GALK2: variants seen among roughly 807,000 people sequenced by gnomAD.
GALK2 encodes the protein galactokinase 2, also known as N-acetylgalactosamine kinase.
Under a neutral mutation model 52.4 loss-of-function variants are expected in GALK2, and 36 were observed. The ratio of observed to expected loss-of-function variants is 0.69; its 90% CI spans 0.53 to 0.91. The LOEUF (loss-of-function observed/expected upper bound fraction) is 0.91, where lower values mean the gene tolerates loss of function less well. Ranked by LOEUF, GALK2 falls within the 40% of genes least tolerant of loss-of-function variation. The pLI, the probability that GALK2 is intolerant of heterozygous loss-of-function variation, is 0.00. For missense variants in GALK2, 579 were observed against 559.1 expected, an observed-to-expected ratio of 1.04 and a Z score of -0.36; for synonymous variants, 176 against 199.1, an observed-to-expected ratio of 0.88 and a Z score of 0.98.
intron 5 of GALK2, among the ~76,000 whole-genome samples, chr15:49,274,018 C>T (rs1017848374): frequency 2.6e-5 from 4 of 152,144 alleles, no homozygotes; most frequent in Non-Finnish European, 4.4e-5. Context: ...TGAAGGTACC[C>T]TCGACAGGGA....
At chr15:49,356,802 C>T (rs1216142680) in intron 3 of GALK2, among the ~76,000 whole-genome samples, 5 of 71,578 alleles carry the variant, frequency 7.0e-5, no homozygotes, top group African/African-American at 3.1e-4. Flanking sequence ...CACCACACCA[C>T]ACCTATTCCA....
chr15:49,183,523 A>G (rs1216914735), intron 1 of GALK2, among the ~76,000 whole-genome samples: 3 of 152,216 alleles, frequency 2.0e-5, no homozygotes, highest in African/African-American at 4.8e-5. Flanking sequence ...AAGATACATG[A>G]TATGATTTCA....
intron 5 of GALK2, among the ~76,000 whole-genome samples, chr15:49,281,296 A>G (rs2032656645): frequency 6.6e-6 from 1 of 152,274 alleles, no homozygotes; most frequent in Non-Finnish European, 1.5e-5. Flanking sequence ...ATCTAACTGG[A>G]TAAGAATGGT....
chr15:49,281,918 C>A, intron 5 of GALK2, 69 bp from the exon 6 acceptor site: 1 of 1,125,062 alleles, frequency 8.9e-7, no homozygotes, highest in Non-Finnish European at 1.3e-6. Context: ...TTTGTCATGC[C>A]TGTAGTAAGA....
At chr15:49,188,025 A>C (rs111395635) in intron 1 of GALK2, among the ~76,000 whole-genome samples, 2,236 of 152,060 alleles carry the variant, frequency 0.015, 21 homozygotes, top group Non-Finnish European at 0.023. Flanking sequence ...TGGCCAACAC[A>C]CTGGGAATGC....
intron 3 of GALK2, among the ~76,000 whole-genome samples, chr15:49,349,964 T>C (rs1250212536): frequency 6.6e-6 from 1 of 152,202 alleles, no homozygotes; most frequent in East Asian, 1.9e-4. Flanking sequence ...GATGGGAAAT[T>C]AACTTTGTTG....
At chr15:49,166,605 G>A (rs1021641190), upstream of GALK2, among the ~76,000 whole-genome samples, 2 of 152,116 alleles carry the variant, frequency 1.3e-5, no homozygotes, top group African/African-American at 4.8e-5. Flanking sequence ...AGCTACTCGG[G>A]AGGCTGAGGC....
chr15:49,193,735 T>A (rs1438679251), intron 1 of GALK2, among the ~76,000 whole-genome samples: 1 of 145,246 alleles, frequency 6.9e-6, no homozygotes, highest in African/African-American at 2.5e-5. Flanking sequence ...TTTATTTTTA[T>A]TTTTTTTTTT....
intron 5 of GALK2, among the ~76,000 whole-genome samples, chr15:49,259,089 G>A (rs1031994587): frequency 6.6e-6 from 1 of 150,958 alleles, no homozygotes; most frequent in Admixed American, 6.6e-5. Context: ...CTCCTATTTT[G>A]TATACATATA....
intron 1 of GALK2, chr15:49,161,784 T>A (rs1362223650): frequency 5.7e-6 from 1 of 174,458 alleles, no homozygotes; most frequent in Non-Finnish European, 1.2e-5. Context: ...AGTGGCATGA[T>A]CTCGGCTCAC....
intron 1 of GALK2, among the ~76,000 whole-genome samples, chr15:49,162,711 T>C (rs923988051): frequency 5.3e-5 from 8 of 152,222 alleles, no homozygotes; most frequent in Non-Finnish European, 1.2e-4. Flanking sequence ...GGAAGGCAAG[T>C]GCCCATGTTG....
chr15:49,198,699 C>G (rs1283164144), intron 1 of GALK2, among the ~76,000 whole-genome samples: 1 of 151,180 alleles, frequency 6.6e-6, no homozygotes, highest in Non-Finnish European at 1.5e-5. Context: ...TCCTCTTTTT[C>G]TTTCCTACAC....
intron 5 of GALK2, among the ~76,000 whole-genome samples, chr15:49,275,299 T>C (rs922305668): frequency 3.9e-5 from 6 of 152,326 alleles, no homozygotes; most frequent in Admixed American, 1.3e-4. Context: ...CTGGGGCAGA[T>C]AGCAGGATGA....
At chr15:49,355,416 C>T (rs2042978486) in intron 3 of GALK2, among the ~76,000 whole-genome samples, 2 of 152,160 alleles carry the variant, frequency 1.3e-5, no homozygotes. Context: ...GAGCTGAAAA[C>T]CAAGGCTCGA....
At chr15:49,206,341 GTTT>G (rs1326719525) in intron 2 of GALK2, among the ~76,000 whole-genome samples, 3 of 151,936 alleles carry the variant, frequency 2.0e-5, no homozygotes, top group South Asian at 2.1e-4. Flanking sequence ...TTTTATAATT[GTTT>G]TTTCTAAGTC....
At chr15:49,292,810 T>C (rs1364256755) in intron 8 of GALK2, among the ~76,000 whole-genome samples, 2 of 152,174 alleles carry the variant, frequency 1.3e-5, no homozygotes, top group African/African-American at 4.8e-5. Context: ...TTTTCCCTTA[T>C]CCATTTTTTT....
At position 49,292,368 on chromosome 15, in the gene GALK2, G is replaced by C; in HGVS notation, c.798G>C (p.Leu266=). Residue 266 remains leucine (L), a synonymous_variant, in exon 8 of 10, where the codon CTG becomes CTC. Transcript: ENST00000560031. ...KYKSLQWDKV[L]RLEEVQAKLG... ...AAAGCTTGCAATGGGACAAAGTACT[G>C]AGGCTGGAGGAGGTGCAGGCTAAAC... is the stretch of plus-strand genomic sequence containing the variant. 6.2e-7 allele frequency: 1 copy of C among 1,614,096 alleles called. No homozygotes were observed. Among genetic ancestry groups the C allele is most frequent in the Non-Finnish European group, 8.5e-7 (1 of 1,179,970 alleles).
Position 49,327,975 on chromosome 15 carries a change from G to A in GALK2, c.1193G>A (p.Arg398Gln), listed in dbSNP as rs1266134935. ...ICRKFGAQGS[R>Q]LTGAGWGGCT... The stretch of plus-strand genomic sequence containing the variant: ...AGGAAGTTTGGGGCTCAAGGGTCAC[G>A]ACTTACTGGAGCAGGATGGGGAGGC... The change falls in exon 10 of 10, where the codon CGA becomes CAA. Residue 398 changes from arginine (R) to glutamine (Q), a missense_variant. Transcript: ENST00000560031. 3.1e-6 allele frequency: 5 copies of A among 1,613,378 alleles called. No individual in the cohort carries two copies. In the East Asian group the frequency reaches 6.7e-5, roughly 22 times the overall value.
chr15:49,289,758 A>G (rs999206559), intron 7 of GALK2, among the ~76,000 whole-genome samples: 1 of 152,048 alleles, frequency 6.6e-6, no homozygotes, highest in Non-Finnish European at 1.5e-5. Context: ...TCCTCTCTTA[A>G]TGCTTCTTAG....
Sources: allele counts gnomAD v4.1 joint callset (sites outside exome capture counted in the v4.1 genomes callset), GRCh38; gene constraint gnomAD v4.1.1; transcripts MANE v1.5; gene names NCBI Gene and HGNC (gene_info 2026-07-23, HGNC 2026-07-21).